TFDP1: variants seen among roughly 807,000 people sequenced by gnomAD.
TFDP1 encodes the protein transcription factor Dp-1.
TFDP1 carries 6 observed loss-of-function variants against 48.0 expected under a neutral mutation model. The ratio of observed to expected loss-of-function variants is 0.13; its 90% CI spans 0.07 to 0.25. The LOEUF (loss-of-function observed/expected upper bound fraction) is 0.25. Ranked by LOEUF, TFDP1 falls within the 10% of genes least tolerant of loss-of-function variation. The pLI is 1.00. For synonymous variants in TFDP1, 201 were observed against 211.6 expected, an observed-to-expected ratio of 0.95 and a Z score of 0.44; for missense variants, 335 against 543.0, an observed-to-expected ratio of 0.62 and a Z score of 3.81.
intron 2 of TFDP1, among the ~76,000 whole-genome samples, chr13:113,604,775 G>A (rs750371060): frequency 3.9e-5 from 6 of 152,310 alleles, no homozygotes; most frequent in Middle Eastern, 3.4e-3. Flanking sequence ...CAGGACAGGC[G>A]GTCACCCCAC....
chr13:113,601,716 C>G (rs9577590), intron 2 of TFDP1, among the ~76,000 whole-genome samples: 74,205 of 152,192 alleles, frequency 0.49, 20,570 homozygotes, highest in African/African-American at 0.76. Context: ...TGGCCAGGTG[C>G]GCGGAAGGTG....
At chr13:113,610,965 A>G (rs776732959) in intron 2 of TFDP1, 31 bp from the exon 3 acceptor site, 82 of 1,608,506 alleles carry the variant, frequency 5.1e-5, no homozygotes, top group Non-Finnish European at 6.7e-5. Context: ...TTTAGCTGTC[A>G]TATTTATTAT....
intron 2 of TFDP1, among the ~76,000 whole-genome samples, chr13:113,596,077 G>C (rs923561046): frequency 6.6e-6 from 1 of 151,764 alleles, no homozygotes; most frequent in Admixed American, 6.6e-5. Context: ...GTGAGACTCC[G>C]TCTCAAAAAA....
chr13:113,628,149 G>GAGCCGTGTAAAGACTGTGTCTGA (rs1217821273), intron 4 of TFDP1, among the ~76,000 whole-genome samples: 3 of 149,708 alleles, frequency 2.0e-5, no homozygotes, highest in African/African-American at 5.0e-5. Context: ...ACTATGTCTG[G>GAGCCGTGTAAAGACTGTGTCTGA]AGCCGTGTAA....
chr13:113,639,341 C>T (rs1214620442), intron 11 of TFDP1, among the ~76,000 whole-genome samples: 2 of 152,198 alleles, frequency 1.3e-5, no homozygotes, highest in African/African-American at 4.8e-5. Flanking sequence ...AAAGCTATTA[C>T]CATTTCTTAC....
At chr13:113,605,081 G>A (rs2048531293) in intron 2 of TFDP1, among the ~76,000 whole-genome samples, 1 of 151,996 alleles carries the variant, frequency 6.6e-6, no homozygotes, top group Non-Finnish European at 1.5e-5. Flanking sequence ...TCATGGCATC[G>A]TCACTGTCTT....
At chr13:113,590,200 C>T (rs535066843) in intron 2 of TFDP1, among the ~76,000 whole-genome samples, 4 of 152,302 alleles carry the variant, frequency 2.6e-5, no homozygotes, top group East Asian at 1.9e-4. Flanking sequence ...CCGGTATTCA[C>T]GTGCCTTGGT....
chr13:113,618,856 A>G (rs557676469), intron 3 of TFDP1, among the ~76,000 whole-genome samples: 45 of 152,386 alleles, frequency 3.0e-4, no homozygotes, highest in African/African-American at 1.1e-3. Flanking sequence ...CTGAAACACA[A>G]TGTTGGCAGA....
At chr13:113,585,595 G>A in intron 1 of TFDP1, 179 bp from the exon 2 acceptor site, 1 of 425,136 alleles carries the variant, frequency 2.4e-6, no homozygotes, top group Non-Finnish European at 4.3e-6. Context: ...ATTTCCGTCT[G>A]GCGAGGCGAC....
At chr13:113,594,132 T>C (rs1262981902) in intron 2 of TFDP1, among the ~76,000 whole-genome samples, 364 of 45,332 alleles carry the variant, frequency 8.0e-3, no homozygotes, top group Middle Eastern at 0.018. Flanking sequence ...GCCCAGGTGA[T>C]AGGTGTGGTG....
chr13:113,587,298 G>A (rs1297469011), intron 2 of TFDP1, among the ~76,000 whole-genome samples: 1 of 151,830 alleles, frequency 6.6e-6, no homozygotes, highest in East Asian at 1.9e-4. Context: ...TAGGCACAGG[G>A]GCTGGGGGCT....
At chr13:113,603,194 A>C (rs1342737111) in intron 2 of TFDP1, among the ~76,000 whole-genome samples, 1 of 152,220 alleles carries the variant, frequency 6.6e-6, no homozygotes, top group East Asian at 1.9e-4. Context: ...TGTATGCCCC[A>C]CCTGGCTGCT....
At chr13:113,635,876 C>T (rs893235739) in intron 8 of TFDP1, 101 bp from the exon 9 acceptor site, 45 of 1,374,858 alleles carry the variant, frequency 3.3e-5, no homozygotes, top group Middle Eastern at 5.3e-4. Flanking sequence ...GCCAACTCCT[C>T]GCTGTCACGT....
chr13:113,619,705 T>C (rs529620732), intron 3 of TFDP1, among the ~76,000 whole-genome samples: 39 of 152,228 alleles, frequency 2.6e-4, no homozygotes, highest in Non-Finnish European at 4.4e-4. Flanking sequence ...ACCCTCAGCC[T>C]CAGGATTTCT....
intron 3 of TFDP1, among the ~76,000 whole-genome samples, chr13:113,617,904 A>G (rs1019142571): frequency 3.9e-5 from 6 of 152,260 alleles, no homozygotes; most frequent in African/African-American, 9.6e-5. Flanking sequence ...CGTGAATACT[A>G]TATTTAGACT....
chr13:113,587,788 G>A (rs1180106148), intron 2 of TFDP1, among the ~76,000 whole-genome samples: 1 of 152,088 alleles, frequency 6.6e-6, no homozygotes, highest in Non-Finnish European at 1.5e-5. Context: ...AAGTAGAGGT[G>A]TGACATTTGA....
chr13:113,633,306 G>A lies in TFDP1; in HGVS notation c.474+21G>A, dbSNP rs553663545. On this transcript the variant is annotated intron_variant, in intron 6 of 11. Coordinates refer to ENST00000375370, the MANE Select transcript of TFDP1 (RefSeq NM_007111.5). The surrounding 1 kb of genome is among the most constrained non-coding windows in gnomAD (Gnocchi z 4.5). ...AGTCAGTAAGTGTGTGCCGGGGGCC[G>A]AGAGGCTGGGGTGGCGGAGCCCAGC... 8 of 1,606,864 alleles carry A rather than the reference G, an allele frequency of 5.0e-6. No individual in the cohort carries two copies. Among genetic ancestry groups the A allele is most frequent in the South Asian group, 2.2e-5 (2 of 90,734 alleles).
chr13:113,609,621 C>T (rs889661692), intron 2 of TFDP1, among the ~76,000 whole-genome samples: 1 of 151,960 alleles, frequency 6.6e-6, no homozygotes, highest in Admixed American at 6.5e-5. Flanking sequence ...TGTCCCCTGA[C>T]TGTTACCTGG....
At chr13:113,595,853 C>A (rs750717058) in intron 2 of TFDP1, among the ~76,000 whole-genome samples, 1 of 152,198 alleles carries the variant, frequency 6.6e-6, no homozygotes, top group Non-Finnish European at 1.5e-5. Context: ...GAGGCTGAGG[C>A]GGGCGGATCA....
Sources: gnomAD v4.1 joint callset for allele counts (sites outside exome capture counted in the v4.1 genomes callset) on GRCh38, gnomAD v4.1.1 for gene constraint, Gnocchi (gnomAD v3.1) non-coding constraint, MANE v1.5 for transcripts, NCBI Gene and HGNC (gene_info 2026-07-23, HGNC 2026-07-21) for gene names.